Variants in SNTG1 observed in about 807,000 individuals in gnomAD.
SNTG1 encodes gamma-1-syntrophin.
In SNTG1, 39 loss-of-function variants were observed where a neutral mutation model predicts 74.7. The observed-to-expected ratio is 0.52, with a 90% CI of 0.40 to 0.68. The LOEUF (loss-of-function observed/expected upper bound fraction) is 0.68, where lower values mean the gene tolerates loss of function less well. Ranked by LOEUF, SNTG1 falls within the 30% of genes least tolerant of loss-of-function variation. SNTG1 has a pLI of 0.00. For synonymous variants in SNTG1, 254 were observed against 217.1 expected, an observed-to-expected ratio of 1.17 and a Z score of -1.49; for missense variants, 685 against 609.5, an observed-to-expected ratio of 1.12 and a Z score of -1.30.
chr8:50,533,169 C>G (rs1360000514), intron 10 of SNTG1, among the ~76,000 whole-genome samples: 1 of 152,228 alleles, frequency 6.6e-6, no homozygotes, highest in East Asian at 1.9e-4. Context: ...AATTTCTTCT[C>G]TCTAGAGATG....
chr8:50,524,030 A>G (rs1258504128), intron 9 of SNTG1, among the ~76,000 whole-genome samples: 1 of 152,132 alleles, frequency 6.6e-6, no homozygotes, highest in African/African-American at 2.4e-5. Context: ...TGTATGTCTT[A>G]TAGTTACAGT....
At chr8:50,465,170 C>T (rs1449156210) in intron 8 of SNTG1, among the ~76,000 whole-genome samples, 1 of 152,140 alleles carries the variant, frequency 6.6e-6, no homozygotes, top group African/African-American at 2.4e-5. Flanking sequence ...ACATGAAACA[C>T]CACAGCCTCC....
At chr8:50,021,947 AATAAAAATAAAAAT>A (rs1563484262) in intron 1 of SNTG1, among the ~76,000 whole-genome samples, 1 of 133,722 alleles carries the variant, frequency 7.5e-6, no homozygotes, top group Non-Finnish European at 1.6e-5. Context: ...TCAAAAAAAA[AATAAAAATAAAAAT>A]AAAAATAAAA....
chr8:50,390,711 G>A (rs1475348765), intron 2 of SNTG1, among the ~76,000 whole-genome samples: 1 of 152,176 alleles, frequency 6.6e-6, no homozygotes, highest in African/African-American at 2.4e-5. Context: ...AACATGGAAT[G>A]TTTTTCCATT....
At chr8:50,756,655 G>A (rs540633204) in intron 18 of SNTG1, among the ~76,000 whole-genome samples, 1 of 151,656 alleles carries the variant, frequency 6.6e-6, no homozygotes, top group Non-Finnish European at 1.5e-5. Flanking sequence ...ACATCATGCT[G>A]TCTTGATGAC....
intron 4 of SNTG1, among the ~76,000 whole-genome samples, chr8:50,422,277 A>ATCTATCTATCTATCTG (rs759085505): frequency 0.014 from 2,148 of 151,680 alleles, 53 homozygotes; most frequent in African/African-American, 0.043. Flanking sequence ...TCTACTATCT[A>ATCTATCTATCTATCTG]TCTATCTATG....
At chr8:50,465,367 G>A (rs1353476284) in intron 8 of SNTG1, among the ~76,000 whole-genome samples, 1 of 152,152 alleles carries the variant, frequency 6.6e-6, no homozygotes, top group African/African-American at 2.4e-5. Flanking sequence ...GACCTTAAGT[G>A]AAGTTGCTTC....
chr8:50,719,679 T>G (rs2095483069), intron 17 of SNTG1, among the ~76,000 whole-genome samples: 2 of 152,180 alleles, frequency 1.3e-5, no homozygotes, highest in South Asian at 4.1e-4. Context: ...ACCAGTAGTA[T>G]GTGGAAATGT....
chr8:50,724,858 G>C (rs1563783432), intron 17 of SNTG1, among the ~76,000 whole-genome samples: 1 of 152,228 alleles, frequency 6.6e-6, no homozygotes, highest in East Asian at 1.9e-4. Context: ...CAAAATAATA[G>C]AGATAGTTTA....
chr8:50,452,842 C>T (rs1180470379), intron 8 of SNTG1, among the ~76,000 whole-genome samples: 1 of 152,128 alleles, frequency 6.6e-6, no homozygotes, highest in African/African-American at 2.4e-5. Flanking sequence ...TAGACTTACA[C>T]CTCAGTAGAA....
intron 12 of SNTG1, among the ~76,000 whole-genome samples, chr8:50,582,101 C>T (rs1563607572): frequency 6.6e-6 from 1 of 152,170 alleles, no homozygotes; most frequent in Non-Finnish European, 1.5e-5. Flanking sequence ...AGGTTTCACA[C>T]TATAGACATT....
At chr8:50,075,723 G>A (rs1234863374) in intron 1 of SNTG1, among the ~76,000 whole-genome samples, 3 of 152,134 alleles carry the variant, frequency 2.0e-5, no homozygotes, top group African/African-American at 7.2e-5. Flanking sequence ...TCACTGGGAA[G>A]GTCTGCAGCT....
intron 1 of SNTG1, among the ~76,000 whole-genome samples, chr8:50,080,719 CAATTT>C (rs1294753456): frequency 2.6e-5 from 4 of 152,080 alleles, no homozygotes; most frequent in Admixed American, 6.6e-5. Context: ...TGCAACTGAT[CAATTT>C]GTTATTGTAG....
intron 1 of SNTG1, among the ~76,000 whole-genome samples, chr8:50,028,271 A>C (rs572109118): frequency 2.6e-5 from 4 of 152,192 alleles, no homozygotes; most frequent in Non-Finnish European, 5.9e-5. Flanking sequence ...GATGGTAAAA[A>C]CTATTGTGCA....
At chr8:50,097,657 A>C (rs2079979789) in intron 1 of SNTG1, among the ~76,000 whole-genome samples, 1 of 152,256 alleles carries the variant, frequency 6.6e-6, no homozygotes, top group South Asian at 2.1e-4. Flanking sequence ...GTCTCAAAAA[A>C]AAAAACAAAA....
chr8:50,792,314 G>A (rs370761603), intron 18 of SNTG1, among the ~76,000 whole-genome samples: 2 of 151,736 alleles, frequency 1.3e-5, no homozygotes, highest in African/African-American at 2.4e-5. Flanking sequence ...ATCATCTGAT[G>A]TGTGCACAAA....
At chr8:49,923,475 G>A (rs1042392970) in intron 1 of SNTG1, among the ~76,000 whole-genome samples, 1 of 152,028 alleles carries the variant, frequency 6.6e-6, no homozygotes, top group Non-Finnish European at 1.5e-5. Context: ...ATGAAATACA[G>A]TCTCTTCCTT....
At chr8:50,366,237 T>C (rs970885208) in intron 2 of SNTG1, among the ~76,000 whole-genome samples, 1 of 152,162 alleles carries the variant, frequency 6.6e-6, no homozygotes, top group Non-Finnish European at 1.5e-5. Context: ...GAAAGGAACA[T>C]AGCTCAATGC....
chr8:50,501,445 T>G (rs1277746393), intron 8 of SNTG1, among the ~76,000 whole-genome samples: 1 of 136,194 alleles, frequency 7.3e-6, no homozygotes, highest in Non-Finnish European at 1.6e-5. Context: ...TTTTTTTTTT[T>G]TTTTTTTTTC....
Sources: gnomAD v4.1 joint callset for allele counts (sites outside exome capture counted in the v4.1 genomes callset) on GRCh38, gnomAD v4.1.1 for gene constraint, MANE v1.5 for transcripts, NCBI Gene and HGNC (gene_info 2026-07-23, HGNC 2026-07-21) for gene names.